PRKG1: variants seen among roughly 807,000 people sequenced by gnomAD.
PRKG1 encodes protein kinase cGMP-dependent 1, also known as cGMP-dependent protein kinase 1.
In PRKG1, 35 loss-of-function variants were observed where a neutral mutation model predicts 88.1. The observed-to-expected ratio is 0.40, with a 90% CI of 0.30 to 0.53. The LOEUF is 0.53. Among genes scored for constraint, PRKG1 ranks in the 20% least tolerant of loss-of-function variants. The pLI, the probability that PRKG1 is intolerant of heterozygous loss-of-function variation, is 0.59. For synonymous variants in PRKG1, 303 were observed against 292.5 expected (o/e 1.04, Z -0.37); for missense variants, 540 against 839.8 (o/e 0.64, Z 4.41).
intron 2 of PRKG1, among the ~76,000 whole-genome samples, chr10:51,287,421 A>T (rs1339461776): frequency 2.0e-5 from 3 of 152,186 alleles, no homozygotes; most frequent in Admixed American, 6.5e-5. Context: ...TCTTCCCATC[A>T]TGTTGGTTAA....
intron 1 of PRKG1, among the ~76,000 whole-genome samples, chr10:51,150,130 C>T (rs1052578845): frequency 6.6e-6 from 1 of 152,038 alleles, no homozygotes; most frequent in African/African-American, 2.4e-5. Context: ...TCTTATACCT[C>T]CCAAGTCAGG....
intron 3 of PRKG1, among the ~76,000 whole-genome samples, chr10:51,559,260 A>G (rs1442744497): frequency 2.0e-5 from 3 of 152,096 alleles, no homozygotes; most frequent in Non-Finnish European, 2.9e-5. Flanking sequence ...AATGCCTTAT[A>G]CATTGCTATA....
At chr10:51,228,904 T>A (rs1044182538) in intron 2 of PRKG1, among the ~76,000 whole-genome samples, 2 of 152,224 alleles carry the variant, frequency 1.3e-5, no homozygotes, top group African/African-American at 4.8e-5. Flanking sequence ...AACCACGCTT[T>A]GCCCTGTCCA....
At chr10:51,985,935 G>C (rs527293742) in intron 5 of PRKG1, among the ~76,000 whole-genome samples, 1 of 152,164 alleles carries the variant, frequency 6.6e-6, no homozygotes, top group African/African-American at 2.4e-5. Flanking sequence ...TCATAGCTTA[G>C]GCTAGCCTAC....
intron 1 of PRKG1, among the ~76,000 whole-genome samples, chr10:51,067,710 C>T (rs1843770658): frequency 6.6e-6 from 1 of 151,992 alleles, no homozygotes; most frequent in African/African-American, 2.4e-5. Context: ...AATACAGTGA[C>T]TCTAGACAGA....
At chr10:51,465,939 T>C (rs1295622112) in intron 2 of PRKG1, among the ~76,000 whole-genome samples, 1 of 152,216 alleles carries the variant, frequency 6.6e-6, no homozygotes, top group African/African-American at 2.4e-5. Flanking sequence ...TTATCTCACT[T>C]AATTTTGACA....
chr10:51,881,684 C>CT (rs1490487885), intron 4 of PRKG1, among the ~76,000 whole-genome samples: 2 of 152,264 alleles, frequency 1.3e-5, no homozygotes, highest in African/African-American at 4.8e-5. Context: ...AGGAGTTGTG[C>CT]TAAGCCTTTA....
intron 2 of PRKG1, among the ~76,000 whole-genome samples, chr10:51,161,774 G>C (rs764534979): frequency 3.9e-5 from 6 of 151,954 alleles, no homozygotes; most frequent in Admixed American, 2.6e-4. Flanking sequence ...TCTTCACTTT[G>C]AGAGAATGGC....
chr10:51,089,225 T>C (rs1020995348), intron 1 of PRKG1, among the ~76,000 whole-genome samples: 2 of 152,310 alleles, frequency 1.3e-5, no homozygotes, highest in Non-Finnish European at 2.9e-5. Flanking sequence ...CTCTGCAACA[T>C]AAAATCTCAT....
chr10:52,116,250 A>T (rs1474945750), intron 7 of PRKG1, among the ~76,000 whole-genome samples: 1 of 152,162 alleles, frequency 6.6e-6, no homozygotes, highest in Non-Finnish European at 1.5e-5. Flanking sequence ...ATTTAAATTA[A>T]CACAGATAAA....
chr10:52,098,773 G>C (rs1847231069), intron 7 of PRKG1, among the ~76,000 whole-genome samples: 1 of 152,176 alleles, frequency 6.6e-6, no homozygotes, highest in South Asian at 2.1e-4. Flanking sequence ...ATGAGTGTTA[G>C]GAGGATGAGT....
At chr10:51,573,893 T>C (rs1837819545) in intron 3 of PRKG1, among the ~76,000 whole-genome samples, 1 of 151,948 alleles carries the variant, frequency 6.6e-6, no homozygotes, top group Non-Finnish European at 1.5e-5. Flanking sequence ...AGCATTAGAC[T>C]GGGTTGTAAA....
At chr10:51,250,591 C>T (rs1273535270) in intron 2 of PRKG1, among the ~76,000 whole-genome samples, 1 of 151,818 alleles carries the variant, frequency 6.6e-6, no homozygotes, top group African/African-American at 2.4e-5. Flanking sequence ...TTTCCAAAAG[C>T]AGTCAGGGAC....
chr10:51,131,676 G>A (rs556700684), intron 1 of PRKG1, among the ~76,000 whole-genome samples: 13 of 152,322 alleles, frequency 8.5e-5, no homozygotes, highest in African/African-American at 3.1e-4. Flanking sequence ...TTGTGCACAA[G>A]CATTGCAACA....
chr10:51,930,626 G>C (rs1842674722), intron 5 of PRKG1, among the ~76,000 whole-genome samples: 1 of 151,196 alleles, frequency 6.6e-6, no homozygotes. Context: ...AAGCAGCTGG[G>C]ATTACAGGCA....
intron 3 of PRKG1, among the ~76,000 whole-genome samples, chr10:51,509,898 G>A (rs1369649012): frequency 6.6e-6 from 1 of 152,174 alleles, no homozygotes; most frequent in Non-Finnish European, 1.5e-5. Context: ...TGTTCAAGAT[G>A]ATGCACTGTG....
At chr10:51,251,716 C>T (rs1839432713) in intron 2 of PRKG1, among the ~76,000 whole-genome samples, 1 of 151,760 alleles carries the variant, frequency 6.6e-6, no homozygotes, top group Admixed American at 6.6e-5. Context: ...TGGTATACTT[C>T]TGATATAGAA....
rs186915033 is a variant in PRKG1 at position 51,135,822 on chromosome 10, T to C, written c.312-17342T>C. Among the ~76,000 whole-genome samples the C allele has an allele frequency of 7.3e-3, 1,114 of 152,014 alleles. 4 individuals are homozygous for C. The highest frequency in any genetic ancestry group is 0.024 in the Middle Eastern group (7 of 294). ...GAGTGAAAAGGATTAAATATGGATA[T>C]TGGGGGAGCAGTTTGTAAAATAAAA... On this transcript the variant is annotated intron_variant, in intron 1 of 17. Transcript: ENST00000373980.
chr10:51,856,886 C>A (rs556778859), intron 4 of PRKG1, among the ~76,000 whole-genome samples: 1 of 151,232 alleles, frequency 6.6e-6, no homozygotes, highest in South Asian at 2.1e-4. Context: ...ATGGAGTGAA[C>A]CTGGGAGGCG....
Sources: gnomAD v4.1 joint callset for allele counts (sites outside exome capture counted in the v4.1 genomes callset) on GRCh38, gnomAD v4.1.1 for gene constraint, MANE v1.5 for transcripts, NCBI Gene and HGNC (gene_info 2026-07-23, HGNC 2026-07-21) for gene names.